The following TNS3 variants were observed in gnomAD, a reference collection of about 807,000 sequenced individuals.
The protein encoded by TNS3 is tensin-3.
Under a neutral mutation model 140.9 loss-of-function variants are expected in TNS3, and 45 were observed. The ratio of observed to expected loss-of-function variants is 0.32; its 90% confidence interval spans 0.25 to 0.41. TNS3 has a LOEUF of 0.41. Among genes scored for constraint, TNS3 ranks in the 10% least tolerant of loss-of-function variants. The pLI, the probability that TNS3 is intolerant of heterozygous loss-of-function variation, is 1.00. For missense variants in TNS3, 1,716 were observed against 1,906.7 expected (o/e 0.90, Z 1.86); for synonymous variants, 815 against 788.4 (o/e 1.03, Z -0.56).
At position 47,557,195 on chromosome 7, in the gene TNS3, G is replaced by T. The variant is rs550788870; in HGVS notation, c.-265+24856C>A. On this transcript the variant is annotated intron_variant, in intron 1 of 30. Transcript: ENST00000311160. ...GAACAATCCTTAAGACCAACAGTGC[G>T]TCTGGGAAAGTTTACAAGCGTCCTA... 16 of 454,078 alleles carry T rather than the reference G, an allele frequency of 3.5e-5. 1 individual carries two copies. Among genetic ancestry groups the T allele is most frequent in the African/African-American group, 1.8e-4 (9 of 50,150 alleles). The allele number at this position is 454,078 out of a possible 1,614,324, so 28.1% of individuals were successfully genotyped here. A position where few individuals can be genotyped will look rare whatever the true frequency, so the allele number is the denominator to read the frequency against.
chr7:47,435,465 C>A, intron 7 of TNS3, 61 bp from the exon 8 acceptor site: 2 of 1,602,504 alleles, frequency 1.2e-6, no homozygotes, highest in South Asian at 2.2e-5. Context: ...GAGGCCATCT[C>A]ACAATGACTT....
At chr7:47,469,747 G>C (rs902609304) in intron 4 of TNS3, among the ~76,000 whole-genome samples, 4 of 152,264 alleles carry the variant, frequency 2.6e-5, no homozygotes, top group Non-Finnish European at 5.9e-5. Context: ...GCCAGGGCGG[G>C]CGGATCACCT....
chr7:47,508,449 T>G (rs760386384), intron 2 of TNS3, among the ~76,000 whole-genome samples: 4 of 152,150 alleles, frequency 2.6e-5, no homozygotes, highest in Non-Finnish European at 5.9e-5. Flanking sequence ...CCACACAAGA[T>G]TAAAAGTCCA....
intron 3 of TNS3, among the ~76,000 whole-genome samples, chr7:47,484,683 T>C (rs1226860982): frequency 6.6e-6 from 1 of 152,212 alleles, no homozygotes; most frequent in Non-Finnish European, 1.5e-5. Flanking sequence ...CACACAGCTC[T>C]CCACTGATCT....
At chr7:47,537,735 C>T (rs1201359821) in intron 1 of TNS3, among the ~76,000 whole-genome samples, 3 of 152,170 alleles carry the variant, frequency 2.0e-5, no homozygotes, top group African/African-American at 4.8e-5. Flanking sequence ...ATAATCTACA[C>T]TAGCAAACAG....
At chr7:47,483,556 G>A (rs912535062) in intron 3 of TNS3, among the ~76,000 whole-genome samples, 28 of 152,194 alleles carry the variant, frequency 1.8e-4, no homozygotes, top group Admixed American at 1.6e-3. Context: ...GGAAGCACAC[G>A]TTTGTTGAGA....
chr7:47,425,073 C>T (rs1490264541), intron 9 of TNS3, among the ~76,000 whole-genome samples: 1 of 152,226 alleles, frequency 6.6e-6, no homozygotes, highest in African/African-American at 2.4e-5. Context: ...ACTCCCAGCA[C>T]TTTGGGAGGC....
intron 17 of TNS3, among the ~76,000 whole-genome samples, chr7:47,353,131 C>T (rs950340556): frequency 1.3e-5 from 2 of 152,236 alleles, no homozygotes; most frequent in African/African-American, 2.4e-5. Flanking sequence ...TCTGCACTGC[C>T]AGCTCAGAGA....
At chr7:47,355,558 G>A (rs1382646890) in intron 17 of TNS3, among the ~76,000 whole-genome samples, 1 of 152,186 alleles carries the variant, frequency 6.6e-6, no homozygotes, top group Non-Finnish European at 1.5e-5. Flanking sequence ...CAGCACTGTT[G>A]CCATCAATTC....
chr7:47,413,877 C>G (rs2151423670), intron 12 of TNS3, 60 bp downstream of exon 12: 1 of 1,600,456 alleles, frequency 6.2e-7, no homozygotes, highest in East Asian at 2.2e-5. Context: ...TGAGGGTCAG[C>G]TGCAGTTCCC....
At chr7:47,298,522 T>C (rs183663140) in intron 23 of TNS3, among the ~76,000 whole-genome samples, 1 of 152,358 alleles carries the variant, frequency 6.6e-6, no homozygotes, top group Non-Finnish European at 1.5e-5. Context: ...TTTCTAGACA[T>C]TTACTCTTTA....
intron 1 of TNS3, among the ~76,000 whole-genome samples, chr7:47,569,166 C>G (rs1030606870): frequency 6.6e-6 from 1 of 152,070 alleles, no homozygotes; most frequent in African/African-American, 2.4e-5. Context: ...CAGCACAAAG[C>G]AAAAAGGGGG....
chr7:47,382,235 G>C (rs985743242), intron 16 of TNS3, among the ~76,000 whole-genome samples: 5 of 152,144 alleles, frequency 3.3e-5, no homozygotes, highest in Non-Finnish European at 7.3e-5. Flanking sequence ...ATTTGGGTGG[G>C]GTTGGGGTTT....
intron 4 of TNS3, among the ~76,000 whole-genome samples, chr7:47,442,816 C>T (rs957420292): frequency 2.0e-5 from 3 of 152,136 alleles, no homozygotes; most frequent in African/African-American, 4.8e-5. Context: ...ACAGAGCCTC[C>T]GGCACTCCTC....
chr7:47,494,563 G>A (rs971782541), intron 3 of TNS3, among the ~76,000 whole-genome samples: 3 of 152,198 alleles, frequency 2.0e-5, no homozygotes, highest in Non-Finnish European at 2.9e-5. Context: ...CCAGTGATAA[G>A]GGAGGGTTAA....
In TNS3 at chr7:47,482,142, C is replaced by T. The variant is rs189162545; in HGVS notation, c.-114-1001G>A. On this transcript the variant is annotated intron_variant, in intron 3 of 30. Coordinates refer to ENST00000311160, the MANE Select transcript of TNS3 (RefSeq NM_022748.12). ...CTCCTGGCACTGCCCCCTCCAGATCCCTGGCACCTGCCTTCTCAAAGAGTT... is the reference window on the plus strand; with the variant it reads ...CTCCTGGCACTGCCCCCTCCAGATCTCTGGCACCTGCCTTCTCAAAGAGTT... Among the ~76,000 whole-genome samples the T allele has an allele frequency of 4.3e-3, 658 of 152,348 alleles. 6 individuals carry two copies. The highest frequency in any genetic ancestry group is 0.015 in the African/African-American group (618 of 41,590).
chr7:47,435,834 A>G (rs1156684672), intron 7 of TNS3, among the ~76,000 whole-genome samples: 1 of 152,218 alleles, frequency 6.6e-6, no homozygotes, highest in Admixed American at 6.5e-5. Context: ...AACACCTCAG[A>G]GACAATCTCC....
intron 1 of TNS3, among the ~76,000 whole-genome samples, chr7:47,575,695 C>A (rs372512333): frequency 6.6e-6 from 1 of 151,396 alleles, no homozygotes; most frequent in African/African-American, 2.4e-5. Context: ...TAGTGGCAGG[C>A]GCCTGTAGTC....
In TNS3 at chr7:47,368,346, C is replaced by T. The variant is rs769371234; in HGVS notation, c.2281+19G>A. ...TGGAGCACCTCCCGTGGAGCACCTCCCATGGAGACCCAGCTCACCTTGCCG... is the reference window on the plus strand; with the variant it reads ...TGGAGCACCTCCCGTGGAGCACCTCTCATGGAGACCCAGCTCACCTTGCCG... On this transcript the variant is annotated intron_variant, in intron 17 of 30. Coordinates refer to ENST00000311160, the MANE Select transcript of TNS3 (RefSeq NM_022748.12). 47 of 1,469,544 alleles carry T rather than the reference C, an allele frequency of 3.2e-5. No homozygotes were observed. Among genetic ancestry groups the T allele is most frequent in the Middle Eastern group, 2.2e-4 (1 of 4,526 alleles). 91.0% of individuals were successfully genotyped at this position (1,469,544 alleles called of 1,614,324 possible). A position where few individuals can be genotyped will look rare whatever the true frequency, so the allele number is the denominator to read the frequency against.
Sources: allele counts gnomAD v4.1 joint callset (sites outside exome capture counted in the v4.1 genomes callset), GRCh38; gene constraint gnomAD v4.1.1; transcripts MANE v1.5; gene names NCBI Gene and HGNC (gene_info 2026-07-23, HGNC 2026-07-21).